ATP9B: variants seen among roughly 807,000 people sequenced by gnomAD.
ATP9B encodes ATPase phospholipid transporting 9B.
In ATP9B, 110 loss-of-function variants were observed where a neutral mutation model predicts 146.1. That is an observed-to-expected ratio of 0.75 (90% CI 0.65 to 0.88). The LOEUF (loss-of-function observed/expected upper bound fraction) is 0.88, where lower values mean the gene tolerates loss of function less well. Ranked by LOEUF, ATP9B falls within the 40% of genes least tolerant of loss-of-function variation. ATP9B has a pLI of 0.00. For synonymous variants in ATP9B, 604 were observed against 569.7 expected, an observed-to-expected ratio of 1.06 and a Z score of -0.86; for missense variants, 1,499 against 1,496.4, an observed-to-expected ratio of 1.00 and a Z score of -0.03.
At chr18:79,256,563 A>G (rs9964456) in intron 12 of ATP9B, among the ~76,000 whole-genome samples, 10,093 of 151,308 alleles carry the variant, frequency 0.067, 415 homozygotes, top group Non-Finnish European at 0.091. Flanking sequence ...ACTTGAAGTG[A>G]TACCCTATAT....
intron 25 of ATP9B, among the ~76,000 whole-genome samples, chr18:79,351,382 C>T (rs1026209828): frequency 3.3e-5 from 5 of 152,164 alleles, no homozygotes; most frequent in Admixed American, 6.5e-5. Flanking sequence ...TCTGAGTGTC[C>T]GTCACAAAAG....
chr18:79,073,177 C>T lies in ATP9B; in HGVS notation c.119+3648C>T, dbSNP rs376575517. On this transcript the variant is annotated intron_variant, in intron 1 of 29. Transcript: ENST00000426216. ...GCCGGGCAGACGGGCTCCTCACATC[C>T]CAGACAATGGGTGGCCAGGCAGAGA... Among the ~76,000 whole-genome samples, 10 of 152,108 alleles carry T rather than the reference C, an allele frequency of 6.6e-5. No homozygotes were observed. The East Asian group carries it at 1.4e-3, about 21-fold the overall frequency.
rs370132118 is a variant in ATP9B, at chr18:79,314,019, A to T, written c.1773+6785A>T. ...TGCAGTTAGGTTGACGGATGATAGT[A>T]GTGTTTCCCGATCACCAAAGTACCG... On this transcript the variant is annotated intron_variant, in intron 15 of 29. Transcript: ENST00000426216. 1.3e-4 allele frequency among the ~76,000 whole-genome samples: 20 copies of T among 152,324 alleles called. No homozygotes were observed. In the South Asian group the frequency reaches 4.1e-3, roughly 32 times the overall value.
intron 7 of ATP9B, among the ~76,000 whole-genome samples, chr18:79,164,957 TA>T (rs2147794069): frequency 6.6e-6 from 1 of 152,208 alleles, no homozygotes; most frequent in South Asian, 2.1e-4. Context: ...ATTTTAGTTG[TA>T]GAATGTTCTG....
At chr18:79,177,714 G>A (rs527587025) in intron 8 of ATP9B, among the ~76,000 whole-genome samples, 13 of 151,946 alleles carry the variant, frequency 8.6e-5, no homozygotes, top group Non-Finnish European at 1.8e-4. Flanking sequence ...GCACATAAAA[G>A]TGTTTTTCTT....
chr18:79,086,360 T>G (rs2073825638), intron 1 of ATP9B: 1 of 129,336 alleles, frequency 7.7e-6, no homozygotes, highest in South Asian at 2.5e-4. Flanking sequence ...CGCTTGAACT[T>G]GGGAGGCAGA....
rs139629143 is a variant in ATP9B at position 79,246,886 on chromosome 18, T to G, written c.1108-6495T>G. On this transcript the variant is annotated intron_variant, in intron 11 of 29. Transcript: ENST00000426216. ...CTCCTCCTGATTTTCAGTTAAACAATGTGGTGATTGTAAAATAAGATTAGG... is the reference window on the plus strand; with the variant it reads ...CTCCTCCTGATTTTCAGTTAAACAAGGTGGTGATTGTAAAATAAGATTAGG... Among the ~76,000 whole-genome samples the G allele has an allele frequency of 6.6e-3, 1,001 of 152,308 alleles. 12 individuals are homozygous for G. The highest frequency in any genetic ancestry group is 0.023 in the African/African-American group (964 of 41,584).
intron 1 of ATP9B, among the ~76,000 whole-genome samples, chr18:79,093,278 T>C (rs768997365): frequency 2.3e-4 from 35 of 152,238 alleles, no homozygotes; most frequent in Non-Finnish European, 4.8e-4. Context: ...AACATCTTTG[T>C]TTTGCCTTCA....
intron 13 of ATP9B, among the ~76,000 whole-genome samples, chr18:79,279,458 T>C (rs1050408991): frequency 6.6e-6 from 1 of 152,164 alleles, no homozygotes; most frequent in Non-Finnish European, 1.5e-5. Context: ...TAGCAAAATA[T>C]GAACAACCGT....
chr18:79,190,509 T>TAC (rs1491116061), intron 8 of ATP9B, among the ~76,000 whole-genome samples: 4 of 95,474 alleles, frequency 4.2e-5, no homozygotes, highest in African/African-American at 1.6e-4. Flanking sequence ...CCTTTTTATT[T>TAC]ATACACACAC....
chr18:79,093,221 C>T (rs1568158372), intron 1 of ATP9B, among the ~76,000 whole-genome samples: 3 of 152,066 alleles, frequency 2.0e-5, no homozygotes, highest in African/African-American at 7.2e-5. Flanking sequence ...TACTTTTAAT[C>T]TTTTAAAGTA....
At chr18:79,178,809 CAT>C (rs1380126683) in intron 8 of ATP9B, among the ~76,000 whole-genome samples, 1 of 152,140 alleles carries the variant, frequency 6.6e-6, no homozygotes, top group African/African-American at 2.4e-5. Flanking sequence ...GTTCATGAAA[CAT>C]ATGGATCTGT....
At chr18:79,295,095 CACAT>C (rs911107668) in intron 13 of ATP9B, among the ~76,000 whole-genome samples, 2 of 63,630 alleles carry the variant, frequency 3.1e-5, no homozygotes, top group Non-Finnish European at 5.5e-5. Flanking sequence ...TGCAAGCACA[CACAT>C]ACACAGACAC....
At chr18:79,135,005 G>A (rs1465749767) in intron 5 of ATP9B, among the ~76,000 whole-genome samples, 1 of 152,158 alleles carries the variant, frequency 6.6e-6, no homozygotes, top group Non-Finnish European at 1.5e-5. Flanking sequence ...TATACTATGT[G>A]GAGAAGGGAT....
chr18:79,204,399 C>G (rs936468933), intron 9 of ATP9B, among the ~76,000 whole-genome samples: 1 of 152,160 alleles, frequency 6.6e-6, no homozygotes, highest in Non-Finnish European at 1.5e-5. Flanking sequence ...CAGCCCTCCT[C>G]CCTTCCTGAT....
At chr18:79,164,971 G>A (rs763613074) in intron 7 of ATP9B, among the ~76,000 whole-genome samples, 56 of 152,134 alleles carry the variant, frequency 3.7e-4, no homozygotes, top group Non-Finnish European at 7.3e-4. Context: ...ATGTTCTGTG[G>A]AAAGGGTGGG....
intron 11 of ATP9B, among the ~76,000 whole-genome samples, chr18:79,215,282 G>A (rs1346887098): frequency 1.3e-5 from 2 of 152,096 alleles, no homozygotes; most frequent in Non-Finnish European, 2.9e-5. Flanking sequence ...GCCGTTTGCA[G>A]CAGTAAGTAG....
chr18:79,226,716 A>G (rs1224902341), intron 11 of ATP9B, among the ~76,000 whole-genome samples: 1 of 152,144 alleles, frequency 6.6e-6, no homozygotes, highest in Non-Finnish European at 1.5e-5. Context: ...TCTGAAGAGG[A>G]CTCAAATGAA....
chr18:79,177,183 C>A (rs767317178), intron 8 of ATP9B, among the ~76,000 whole-genome samples: 2 of 152,008 alleles, frequency 1.3e-5, no homozygotes, highest in Admixed American at 6.6e-5. Flanking sequence ...CTGTCCTTGC[C>A]CCCTTCCCCC....
Sources: gnomAD v4.1 joint callset for allele counts (sites outside exome capture counted in the v4.1 genomes callset) on GRCh38, gnomAD v4.1.1 for gene constraint, MANE v1.5 for transcripts, NCBI Gene and HGNC (gene_info 2026-07-23, HGNC 2026-07-21) for gene names.